CPNE8: variants seen among roughly 807,000 people sequenced by gnomAD.
CPNE8 encodes the protein copine-8.
CPNE8 carries 45 observed loss-of-function variants against 81.5 expected under a neutral mutation model. The ratio of observed to expected loss-of-function variants is 0.55; its 90% CI spans 0.44 to 0.71. CPNE8 has a LOEUF of 0.71. Ranked by LOEUF, CPNE8 falls within the 30% of genes least tolerant of loss-of-function variation. CPNE8 has a pLI of 0.00. For synonymous variants in CPNE8, 252 were observed against 226.3 expected (o/e 1.11, Z -1.02); for missense variants, 594 against 672.1 (o/e 0.88, Z 1.28).
At chr12:38,803,472 A>G (rs546867095) in intron 6 of CPNE8, among the ~76,000 whole-genome samples, 100 of 150,962 alleles carry the variant, frequency 6.6e-4, no homozygotes, top group Admixed American at 1.9e-3. Flanking sequence ...TCATGCTAAA[A>G]ACTTTCAATA....
intron 3 of CPNE8, among the ~76,000 whole-genome samples, chr12:38,856,876 T>C (rs1178368160): frequency 2.0e-5 from 3 of 152,124 alleles, no homozygotes; most frequent in Admixed American, 6.5e-5. Flanking sequence ...TTGTGATTTA[T>C]CTTTATTTAA....
chr12:38,904,536 T>A (rs988839213), intron 1 of CPNE8, among the ~76,000 whole-genome samples: 1 of 149,478 alleles, frequency 6.7e-6, no homozygotes, highest in Non-Finnish European at 1.5e-5. Context: ...TGGCAAGATC[T>A]CAGCTCATTG....
rs561505962 is a variant in CPNE8, at chr12:38,805,517, C to T, written c.407+23862G>A. 1.7e-3 allele frequency among the ~76,000 whole-genome samples: 174 copies of T among 99,804 alleles called. 1 individual carries two copies. Among genetic ancestry groups the T allele is most frequent in the African/African-American group, 6.1e-3 (166 of 27,150 alleles). 65.5% of individuals were successfully genotyped at this position (99,804 alleles called of 152,430 possible). The stretch of plus-strand genomic sequence containing the variant: ...CACACTCTGGGGACTGTGGTGGGGT[C>T]GGGGGATGGGGGAGGGATAGCATTG... On this transcript the variant is annotated intron_variant, in intron 6 of 19. Transcript: ENST00000331366.
At chr12:38,698,487 G>A (rs1939851841) in intron 14 of CPNE8, among the ~76,000 whole-genome samples, 1 of 152,130 alleles carries the variant, frequency 6.6e-6, no homozygotes, top group South Asian at 2.1e-4. Flanking sequence ...CAAATCCAAG[G>A]TCATGAAGAT....
At chr12:38,654,153 T>G in intron 19 of CPNE8, 83 bp from the exon 20 acceptor site, 1 of 1,434,718 alleles carries the variant, frequency 7.0e-7, no homozygotes, top group Non-Finnish European at 9.1e-7. Flanking sequence ...ATGTACACAT[T>G]TGGTCATAGG....
intron 6 of CPNE8, among the ~76,000 whole-genome samples, chr12:38,781,530 G>T (rs1039147008): frequency 6.6e-6 from 1 of 151,876 alleles, no homozygotes; most frequent in Admixed American, 6.6e-5. Flanking sequence ...AATTGAAAAG[G>T]GTTGCAAGAA....
chr12:38,682,060 A>G (rs1939420771), intron 16 of CPNE8, among the ~76,000 whole-genome samples: 1 of 152,036 alleles, frequency 6.6e-6, no homozygotes, highest in South Asian at 2.1e-4. Context: ...TCTCTTCTAA[A>G]GATACAAAAA....
chr12:38,746,873 G>A (rs1039273898), intron 10 of CPNE8, among the ~76,000 whole-genome samples: 4 of 152,122 alleles, frequency 2.6e-5, no homozygotes, highest in Non-Finnish European at 4.4e-5. Flanking sequence ...TGACTTAGAT[G>A]GTTTTTGTCT....
chr12:38,885,166 C>A (rs1944220614), intron 1 of CPNE8, among the ~76,000 whole-genome samples: 1 of 152,024 alleles, frequency 6.6e-6, no homozygotes, highest in East Asian at 1.9e-4. Context: ...GTATTTTAAA[C>A]TTATATACAG....
chr12:38,898,363 C>T (rs968848954), intron 1 of CPNE8, among the ~76,000 whole-genome samples: 4 of 152,090 alleles, frequency 2.6e-5, no homozygotes, highest in Admixed American at 2.6e-4. Context: ...CGCCACAGTT[C>T]AGAAAGTTCC....
chr12:38,888,761 A>G (rs1460044838), intron 1 of CPNE8, among the ~76,000 whole-genome samples: 1 of 150,816 alleles, frequency 6.6e-6, no homozygotes, highest in African/African-American at 2.4e-5. Flanking sequence ...ACAGTTCTAC[A>G]AGTCCTAAAA....
rs755646763 is a variant in CPNE8 at position 38,762,150 on chromosome 12, C to A, written c.642G>T (p.Lys214Asn). Residue 214 changes from lysine to asparagine, a missense_variant, in exon 9 of 20, where the codon AAG becomes AAT. Coordinates refer to ENST00000331366, the MANE Select transcript of CPNE8 (RefSeq NM_153634.3). ...CATTACATAATGCTCTGACTGAGATCTTGAATGCTTGCCATACTGGATTTA... is the reference window on the plus strand; with the variant it reads ...CATTACATAATGCTCTGACTGAGATATTGAATGCTTGCCATACTGGATTTA... ...NTLNPVWQAF[K>N]ISVRALCNGD... 1 of 1,602,608 alleles carries A rather than the reference C, an allele frequency of 6.2e-7. No individual in the cohort carries two copies. Among genetic ancestry groups the A allele is most frequent in the South Asian group, 1.1e-5 (1 of 89,344 alleles).
chr12:38,670,716 G>C lies in CPNE8; in HGVS notation c.1506+13C>G, dbSNP rs577535392. 3.8e-6 allele frequency: 6 copies of C among 1,575,894 alleles called. No homozygotes were observed. The East Asian group carries it at 9.1e-5, about 24-fold the overall frequency. On this transcript the variant is annotated intron_variant, in intron 19 of 19. Transcript: ENST00000331366. The stretch of plus-strand genomic sequence containing the variant: ...TCTAGCAATAGTAAAGTAGGAAAAG[G>C]TTTATTTCTTACCTGCACAATGTCT...
chr12:38,732,528 C>A (rs1448248893), intron 10 of CPNE8, among the ~76,000 whole-genome samples: 1 of 151,912 alleles, frequency 6.6e-6, no homozygotes. Flanking sequence ...GGTCTCAGGA[C>A]TAGGAATCTG....
At chr12:38,860,086 C>T (rs1276450540) in intron 3 of CPNE8, among the ~76,000 whole-genome samples, 2 of 151,914 alleles carry the variant, frequency 1.3e-5, no homozygotes, top group Non-Finnish European at 2.9e-5. Flanking sequence ...AAAGCTTTTC[C>T]ATGGCAAAGG....
At chr12:38,855,369 C>T (rs189846615) in intron 3 of CPNE8, among the ~76,000 whole-genome samples, 84 of 151,976 alleles carry the variant, frequency 5.5e-4, no homozygotes, top group Admixed American at 5.2e-3. Flanking sequence ...ATAGAAAATA[C>T]AATCCTAAGT....
chr12:38,906,542 A>G, upstream of CPNE8: 1 of 985,626 alleles, frequency 1.0e-6, no homozygotes, highest in Non-Finnish European at 1.2e-6. Context: ...ACAACCATAT[A>G]ACGCAGCTCC....
rs377233527 is a variant in CPNE8 at position 38,905,545 on chromosome 12, G to T, written c.-11C>A. 1.9e-6 allele frequency: 3 copies of T among 1,554,982 alleles called. No homozygotes were observed. Among genetic ancestry groups the T allele is most frequent in the Non-Finnish European group, 2.6e-6 (3 of 1,150,412 alleles). On this transcript the variant is annotated 5_prime_UTR_variant, in exon 1 of 20. Transcript: ENST00000331366. ...GTAGCGGCTGTCCATATTGGGAGGA[G>T]GCGCCTTGGACTTGTCCGGCGCCCA...
At chr12:38,698,437 G>C (rs1243562364) in intron 14 of CPNE8, among the ~76,000 whole-genome samples, 1 of 152,062 alleles carries the variant, frequency 6.6e-6, no homozygotes, top group African/African-American at 2.4e-5. Context: ...TGTTGTTGTT[G>C]TTGCTCATGA....
Sources: gnomAD v4.1 joint callset for allele counts (sites outside exome capture counted in the v4.1 genomes callset) on GRCh38, gnomAD v4.1.1 for gene constraint, MANE v1.5 for transcripts, NCBI Gene and HGNC (gene_info 2026-07-23, HGNC 2026-07-21) for gene names.